Variants in GDAP1 observed in about 807,000 individuals in gnomAD.
The protein encoded by GDAP1 is ganglioside induced differentiation associated protein 1.
In GDAP1, 34 loss-of-function variants were observed where a neutral mutation model predicts 40.1. The observed-to-expected ratio is 0.85, with a 90% CI of 0.64 to 1.13. The LOEUF is 1.13. GDAP1 is among the 50% of genes most tolerant of loss of function. GDAP1 has a pLI of 0.00. For missense variants in GDAP1, 374 were observed against 433.7 expected (o/e 0.86, Z 1.22); for synonymous variants, 170 against 157.4 (o/e 1.08, Z -0.60).
At chr8:74,375,647 A>G (rs1313901883) in intron 2 of GDAP1, among the ~76,000 whole-genome samples, 1 of 152,208 alleles carries the variant, frequency 6.6e-6, no homozygotes, top group African/African-American at 2.4e-5. Context: ...CCTGATGAAG[A>G]CATCCATGAA....
chr8:74,476,139 G>T (rs1231460364), intron 2 of GDAP1, among the ~76,000 whole-genome samples: 1 of 152,114 alleles, frequency 6.6e-6, no homozygotes, highest in East Asian at 1.9e-4. Context: ...TTGGTTGGCA[G>T]ATTTTTCTCC....
At chr8:74,433,511 CT>C (rs1218843937) in intron 2 of GDAP1, among the ~76,000 whole-genome samples, 2 of 152,104 alleles carry the variant, frequency 1.3e-5, no homozygotes, top group Non-Finnish European at 2.9e-5. Flanking sequence ...AAGTATCTTA[CT>C]TTTTGCATAG....
Position 74,409,715 on chromosome 8 carries a change from T to G in GDAP1, c.165+58394T>G, listed in dbSNP as rs1387697152. On this transcript the variant is annotated intron_variant, in intron 2 of 2. Coordinates refer to the GDAP1 transcript ENST00000523640. ...CCAGAGAGTATCAAGGAATTGAAAC[T>G]TACCAGGTTATTGCATCTGGACAAT... 4.0e-5 allele frequency among the ~76,000 whole-genome samples: 6 copies of G among 150,036 alleles called. No individual in the cohort carries two copies. The East Asian group carries it at 1.2e-3, about 29-fold the overall frequency.
chr8:74,481,717 G>A (rs1173540132), intron 2 of GDAP1, among the ~76,000 whole-genome samples: 1 of 152,100 alleles, frequency 6.6e-6, no homozygotes, highest in Non-Finnish European at 1.5e-5. Context: ...TGGCTCCTCA[G>A]TGTATTATTA....
rs200836590 is a variant in GDAP1 at position 74,364,386 on chromosome 8, G to T, written c.*19G>T. 1 of 1,608,852 alleles carries T rather than the reference G, an allele frequency of 6.2e-7. No homozygotes were observed. Among genetic ancestry groups the T allele is most frequent in the Non-Finnish European group, 8.5e-7 (1 of 1,179,248 alleles). On this transcript the variant is annotated 3_prime_UTR_variant, in exon 6 of 6. Transcript: ENST00000220822. ...TTTCTAGGTTTGTTGGGATCTTGTCGTGGCAGCTCATCCAAGCATTTAGCT... is the reference window on the plus strand; with the variant it reads ...TTTCTAGGTTTGTTGGGATCTTGTCTTGGCAGCTCATCCAAGCATTTAGCT...
intron 2 of GDAP1, among the ~76,000 whole-genome samples, chr8:74,444,023 T>TATCA (rs1470537605): frequency 1.2e-4 from 12 of 98,070 alleles, no homozygotes; most frequent in African/African-American, 2.7e-4. Context: ...TCTATCTATC[T>TATCA]ATCATCTATC....
chr8:74,366,229 A>C lies in GDAP1; in HGVS notation c.*1862A>C, dbSNP rs974256600. The C allele has an allele frequency of 8.8e-6, 4 of 454,078 alleles. No homozygotes were observed. The highest frequency in any genetic ancestry group is 1.8e-5 in the Non-Finnish European group (4 of 226,732). 28.1% of individuals were successfully genotyped at this position (454,078 alleles called of 1,614,324 possible). On this transcript the variant is annotated 3_prime_UTR_variant, in exon 6 of 6. Transcript: ENST00000220822. Reference sequence around the variant, plus strand: ...AGATAGTGGCAATTTCATATATTTCATGGATACTTGAGTTTGTGCTTTTAA... The same window carrying C: ...AGATAGTGGCAATTTCATATATTTCCTGGATACTTGAGTTTGTGCTTTTAA...
In GDAP1 at chr8:74,410,755, G is replaced by A. The variant is rs146492094; in HGVS notation, c.165+59434G>A. ...TGAAAAGAAGCAGCTCAGTGGTCAG[G>A]ATCTGCTCAGTTGTTCTGGCTTATT... is the stretch of plus-strand genomic sequence containing the variant. On this transcript the variant is annotated intron_variant, in intron 2 of 2. Transcript: ENST00000523640. Among the ~76,000 whole-genome samples the A allele has an allele frequency of 2.0e-5, 3 of 150,432 alleles. No homozygotes were observed. The South Asian group carries it at 6.2e-4, about 31-fold the overall frequency.
intron 2 of GDAP1, among the ~76,000 whole-genome samples, chr8:74,410,469 A>G (rs1805695786): frequency 6.7e-6 from 1 of 150,298 alleles, no homozygotes; most frequent in African/African-American, 2.5e-5. Context: ...ACAGTTCAGT[A>G]TTAGAGTTTT....
At chr8:74,370,417 G>A (rs1809728146), downstream of GDAP1, among the ~76,000 whole-genome samples, 1 of 152,180 alleles carries the variant, frequency 6.6e-6, no homozygotes, top group Admixed American at 6.5e-5. Context: ...AGTATCAAGT[G>A]GGAAGTGTGA....
intron 2 of GDAP1, among the ~76,000 whole-genome samples, chr8:74,387,676 C>T (rs1169032617): frequency 6.6e-6 from 1 of 152,274 alleles, no homozygotes; most frequent in Middle Eastern, 3.4e-3. Context: ...GTTTTGGTAT[C>T]AGGATGATGC....
intron 2 of GDAP1, among the ~76,000 whole-genome samples, chr8:74,375,297 A>G (rs373854848): frequency 6.6e-6 from 1 of 151,304 alleles, no homozygotes; most frequent in African/African-American, 2.4e-5. Context: ...ACTGCACTCC[A>G]GCCTGGGCCA....
intron 2 of GDAP1, among the ~76,000 whole-genome samples, chr8:74,428,270 A>G (rs973385017): frequency 6.6e-6 from 1 of 152,094 alleles, no homozygotes; most frequent in Non-Finnish European, 1.5e-5. Context: ...CAACAACAAC[A>G]AAAGTACAGT....
chr8:74,375,259 A>G (rs7008009), intron 2 of GDAP1, among the ~76,000 whole-genome samples: 151,147 of 152,106 alleles, frequency 0.99, 75,103 homozygotes, highest in East Asian at 1. Context: ...CCTGGGAGGC[A>G]GAGGTTGCAG....
At chr8:74,350,658 G>A in intron 1 of GDAP1, 80 bp downstream of exon 1, 7 of 946,598 alleles carry the variant, frequency 7.4e-6, no homozygotes, top group Non-Finnish European at 1.7e-6. Flanking sequence ...CCCGCCCAGG[G>A]AAGCCGGTCC....
At chr8:74,398,318 G>T (rs1026606233) in intron 2 of GDAP1, among the ~76,000 whole-genome samples, 2 of 152,046 alleles carry the variant, frequency 1.3e-5, no homozygotes, top group African/African-American at 4.8e-5. Flanking sequence ...CGTTTGCTTG[G>T]TAGATCTTCC....
intron 2 of GDAP1, among the ~76,000 whole-genome samples, chr8:74,359,806 C>G (rs773913487): frequency 4.6e-5 from 7 of 152,168 alleles, no homozygotes; most frequent in Non-Finnish European, 8.8e-5. Context: ...TAGAAGAAGG[C>G]ACATGTGAGC....
intron 2 of GDAP1, among the ~76,000 whole-genome samples, chr8:74,440,763 A>T (rs987641542): frequency 6.6e-6 from 1 of 152,096 alleles, no homozygotes; most frequent in Non-Finnish European, 1.5e-5. Flanking sequence ...TAAAATTTTG[A>T]CCTAAAACAG....
At position 74,388,623 on chromosome 8, in the gene GDAP1, G is replaced by C. The variant is rs183489157; in HGVS notation, c.165+37302G>C. Among the ~76,000 whole-genome samples, 8 of 152,084 alleles carry C rather than the reference G, an allele frequency of 5.3e-5. No homozygotes were observed. The East Asian group carries it at 1.4e-3, about 26-fold the overall frequency. On this transcript the variant is annotated intron_variant, in intron 2 of 2. Coordinates refer to the GDAP1 transcript ENST00000523640. ...ATTATGTGGTCGATTTTATAATAAG[G>C]GCTATGTGATGCTGAGAAGAATGTA... is the stretch of plus-strand genomic sequence containing the variant.
Sources: allele counts gnomAD v4.1 joint callset (sites outside exome capture counted in the v4.1 genomes callset), GRCh38; gene constraint gnomAD v4.1.1; transcripts MANE v1.5; gene names NCBI Gene and HGNC (gene_info 2026-07-23, HGNC 2026-07-21).